The following ACTR3 variants were observed in gnomAD, a reference collection of about 807,000 sequenced individuals.
ACTR3 encodes actin related protein 3, also known as actin-related protein 3.
Under a neutral mutation model 56.8 loss-of-function variants are expected in ACTR3, and 12 were observed. That is an observed-to-expected ratio of 0.21 (90% CI 0.14 to 0.34). The LOEUF is 0.34. ACTR3 is among the 10% of genes least tolerant of loss of function. The probability of loss-of-function intolerance (pLI) is 1.00; values close to 1 mark genes in which losing one functional copy is unlikely to be tolerated. For synonymous variants in ACTR3, 162 were observed against 167.4 expected (o/e 0.97, Z 0.25); for missense variants, 282 against 512.5 (o/e 0.55, Z 4.34).
Position 113,890,342 on chromosome 2 carries a change from G to A in ACTR3, c.44+19G>A, listed in dbSNP as rs1483883581. ...GCACGGGGTAAGGGGGCTTACGGGCGGGGGTGGGGAAACTGAGGCGGAGGA... is the reference window on the plus strand; with the variant it reads ...GCACGGGGTAAGGGGGCTTACGGGCAGGGGTGGGGAAACTGAGGCGGAGGA... On this transcript the variant is annotated intron_variant, in intron 1 of 11. Transcript: ENST00000263238. 6.7e-6 allele frequency: 10 copies of A among 1,500,372 alleles called. No individual in the cohort carries two copies. The highest frequency in any genetic ancestry group is 9.0e-6 in the Non-Finnish European group (10 of 1,110,262). 92.9% of individuals were successfully genotyped at this position (1,500,372 alleles called of 1,614,324 possible). A position where few individuals can be genotyped will look rare whatever the true frequency, so the allele number is the denominator to read the frequency against.
chr2:113,933,335 C>T (rs1350850327), intron 5 of ACTR3, among the ~76,000 whole-genome samples: 2 of 151,874 alleles, frequency 1.3e-5, no homozygotes, highest in East Asian at 3.9e-4. Flanking sequence ...ATGGTGAAAC[C>T]CCGTCTCTAC....
intron 3 of ACTR3, 25 bp downstream of exon 3, chr2:113,917,033 T>C: frequency 8.3e-6 from 13 of 1,572,240 alleles, no homozygotes; most frequent in Non-Finnish European, 1.0e-5. Flanking sequence ...TTTGTATAAA[T>C]AACATTTTCA....
At chr2:113,912,200 T>A (rs890421186) in intron 1 of ACTR3, among the ~76,000 whole-genome samples, 1 of 152,136 alleles carries the variant, frequency 6.6e-6, no homozygotes, top group Admixed American at 6.5e-5. Flanking sequence ...TTTTTTCATT[T>A]TATCTTAGAA....
chr2:113,929,826 G>A (rs573974018), intron 4 of ACTR3, among the ~76,000 whole-genome samples: 2 of 152,034 alleles, frequency 1.3e-5, no homozygotes, highest in Admixed American at 1.3e-4. Context: ...TTACAGGCAT[G>A]CACCACCACA....
At chr2:113,955,438 G>A in intron 10 of ACTR3, 185 bp from the exon 11 acceptor site, 1 of 500,558 alleles carries the variant, frequency 2.0e-6, no homozygotes, top group Non-Finnish European at 3.5e-6. Flanking sequence ...TTCCCTCCCT[G>A]TCTCTTCCAC....
At chr2:113,890,626 C>T (rs1210152783) in intron 1 of ACTR3, 8 of 1,278,940 alleles carry the variant, frequency 6.3e-6, no homozygotes, top group African/African-American at 1.6e-5. Context: ...GCCCAAAGGG[C>T]GCTGGGGACG....
intron 1 of ACTR3, chr2:113,890,718 A>G (rs1678873632): frequency 1.9e-6 from 2 of 1,080,320 alleles, no homozygotes; most frequent in Admixed American, 5.2e-5. Flanking sequence ...CGGTTTGGGG[A>G]CCCAGGGGCC....
intron 11 of ACTR3, among the ~76,000 whole-genome samples, chr2:113,956,969 A>G (rs1226276398): frequency 6.6e-6 from 1 of 152,242 alleles, no homozygotes. Context: ...AAAAATAGTC[A>G]TAGCATGACT....
intron 3 of ACTR3, among the ~76,000 whole-genome samples, chr2:113,923,345 TG>T (rs755155862): frequency 0.23 from 13,968 of 60,792 alleles, 1,073 homozygotes; most frequent in South Asian, 0.28. Context: ...TTTGTTTGTT[TG>T]TTTGTTTTTG....
intron 8 of ACTR3, among the ~76,000 whole-genome samples, chr2:113,950,588 G>A (rs1167173098): frequency 1.3e-5 from 2 of 152,184 alleles, no homozygotes; most frequent in Non-Finnish European, 2.9e-5. Flanking sequence ...CATGAATAAT[G>A]AGATTAGACT....
rs1211261198 is a variant in ACTR3, at chr2:113,958,505, A to T, written c.*1050A>T. ...TTTTTTTTAGTGCCAGTCCCTGAAC[A>T]TATCATTGAAAGTTAATTTTCTTTG... is the stretch of plus-strand genomic sequence containing the variant. On this transcript the variant is annotated 3_prime_UTR_variant, in exon 12 of 12. Coordinates refer to ENST00000263238, the MANE Select transcript of ACTR3 (RefSeq NM_005721.5). The T allele has an allele frequency of 6.6e-6, 1 of 152,534 alleles. No individual in the cohort carries two copies. The allele number at this position is 152,534 out of a possible 1,614,324, so 9.4% of individuals were successfully genotyped here. A position where few individuals can be genotyped will look rare whatever the true frequency, so the allele number is the denominator to read the frequency against.
chr2:113,940,528 C>T (rs907068848), intron 7 of ACTR3, among the ~76,000 whole-genome samples: 1 of 152,038 alleles, frequency 6.6e-6, no homozygotes, highest in Admixed American at 6.6e-5. Context: ...CAGTGCTTGG[C>T]TCAAGTGATA....
intron 10 of ACTR3, 143 bp downstream of exon 10, chr2:113,951,988 T>G: frequency 9.4e-7 from 1 of 1,063,086 alleles, no homozygotes; most frequent in Non-Finnish European, 1.3e-6. Flanking sequence ...TGTTATAGAT[T>G]TATGTCTGTG....
intron 1 of ACTR3, among the ~76,000 whole-genome samples, chr2:113,907,932 C>A (rs1559461997): frequency 1.4e-5 from 2 of 146,178 alleles, no homozygotes; most frequent in East Asian, 4.1e-4. Context: ...CGAGATCTCG[C>A]CATTGCACTC....
intron 3 of ACTR3, among the ~76,000 whole-genome samples, chr2:113,925,513 A>T (rs6757220): frequency 0.073 from 11,146 of 152,090 alleles, 452 homozygotes; most frequent in African/African-American, 0.1. Context: ...TATTTTTTTT[A>T]AAAACCTGTA....
intron 1 of ACTR3, among the ~76,000 whole-genome samples, chr2:113,898,979 A>G (rs1292439419): frequency 6.6e-6 from 1 of 152,154 alleles, no homozygotes; most frequent in Non-Finnish European, 1.5e-5. Flanking sequence ...CCTAATTGAG[A>G]TACATCCAAG....
In ACTR3 at chr2:113,897,515, G is replaced by GTATTTTTTTTTTTTTTTTTT. The variant is rs1559454475; in HGVS notation, c.44+7193_44+7194insATTTTTTTTTTTTTTTTTTT. On this transcript the variant is annotated intron_variant, in intron 1 of 11. Transcript: ENST00000263238. Reference sequence around the variant, plus strand: ...ATAGCTTGAATTTGTGTGGCCAGATGTTATTTTTTTTTTTTTTTTTTTTTT... The same window carrying GTATTTTTTTTTTTTTTTTTT: ...ATAGCTTGAATTTGTGTGGCCAGATGTATTTTTTTTTTTTTTTTTTTTATTTTTTTTTTTTTTTTTTTTTT... 1.5e-5 allele frequency among the ~76,000 whole-genome samples: 2 copies of GTATTTTTTTTTTTTTTTTTT among 134,110 alleles called. 1 individual carries two copies. The highest frequency in any genetic ancestry group is 3.2e-5 in the Non-Finnish European group (2 of 63,482). 88.0% of individuals were successfully genotyped at this position (134,110 alleles called of 152,430 possible).
chr2:113,927,706 G>A (rs1369457556), intron 4 of ACTR3, among the ~76,000 whole-genome samples: 1 of 152,120 alleles, frequency 6.6e-6, no homozygotes, highest in Non-Finnish European at 1.5e-5. Flanking sequence ...GATAGAAACA[G>A]TAAGTAATGT....
chr2:113,951,201 G>A, intron 8 of ACTR3: 1 of 264,112 alleles, frequency 3.8e-6, no homozygotes, highest in Non-Finnish European at 7.3e-6. Flanking sequence ...TACTCTCACA[G>A]CGTTATATGA....
Sources: gnomAD v4.1 joint callset for allele counts (sites outside exome capture counted in the v4.1 genomes callset) on GRCh38, gnomAD v4.1.1 for gene constraint, MANE v1.5 for transcripts, NCBI Gene and HGNC (gene_info 2026-07-23, HGNC 2026-07-21) for gene names.